The following BCLAF1 variants were observed in gnomAD, a reference collection of about 807,000 sequenced individuals.
BCLAF1 encodes bcl-2-associated transcription factor 1.
A neutral mutation model predicts 99.5 loss-of-function variants in BCLAF1; 10 were observed. The observed-to-expected ratio is 0.10, with a 90% CI of 0.06 to 0.17. The LOEUF is 0.17. Among genes scored for constraint, BCLAF1 ranks in the 10% least tolerant of loss-of-function variants. The pLI, the probability that BCLAF1 is intolerant of heterozygous loss-of-function variation, is 1.00. For missense variants in BCLAF1, 636 were observed against 1,105.8 expected, an observed-to-expected ratio of 0.58 and a Z score of 6.02; for synonymous variants, 255 against 370.9, an observed-to-expected ratio of 0.69 and a Z score of 3.59.
At position 136,258,647 on chromosome 6, in the gene BCLAF1, T is replaced by C. The variant is rs1469215943; in HGVS notation, c.*2463A>G. Reference sequence around the variant, plus strand: ...TACAAGGGTCCCTGTTGCATCATTATACATCACACTGAGTAAGAATCGTTT... The same window carrying C: ...TACAAGGGTCCCTGTTGCATCATTACACATCACACTGAGTAAGAATCGTTT... On this transcript the variant is annotated 3_prime_UTR_variant, in exon 13 of 13. Coordinates refer to ENST00000531224, the MANE Select transcript of BCLAF1 (RefSeq NM_014739.3). 2 of 152,536 alleles carry C rather than the reference T, an allele frequency of 1.3e-5. No homozygotes were observed. The highest frequency in any genetic ancestry group is 2.4e-5 in the African/African-American group (1 of 41,464). The allele number at this position is 152,536 out of a possible 1,614,324, so 9.4% of individuals were successfully genotyped here.
intron 10 of BCLAF1, 133 bp downstream of exon 10, chr6:136,268,029 G>A (rs1781962029): frequency 1.1e-6 from 1 of 900,298 alleles, no homozygotes; most frequent in Non-Finnish European, 1.6e-6. Context: ...ACCACTTCAT[G>A]TTTCAATACT....
chr6:136,289,038 GC>G (rs1785560425), intron 1 of BCLAF1, among the ~76,000 whole-genome samples: 1 of 152,166 alleles, frequency 6.6e-6, no homozygotes, highest in African/African-American at 2.4e-5. Context: ...ACAGCAGGTT[GC>G]CGCGGGTACC....
chr6:136,271,043 T>C (rs763110088), intron 8 of BCLAF1, among the ~76,000 whole-genome samples: 1 of 151,784 alleles, frequency 6.6e-6, no homozygotes, highest in Non-Finnish European at 1.5e-5. Flanking sequence ...AGTAAGTTAA[T>C]AGCATGCCCT....
At chr6:136,264,178 ATGCT>A (rs1008870288) in intron 11 of BCLAF1, among the ~76,000 whole-genome samples, 4 of 152,034 alleles carry the variant, frequency 2.6e-5, no homozygotes, top group African/African-American at 9.7e-5. Flanking sequence ...ATAGTACATG[ATGCT>A]TAACAAATGT....
chr6:136,257,371 T>C lies in BCLAF1; in HGVS notation c.*3739A>G, dbSNP rs1186866714. 1 of 152,190 alleles carries C rather than the reference T, an allele frequency of 6.6e-6. No individual in the cohort carries two copies. Among genetic ancestry groups the C allele is most frequent in the Non-Finnish European group, 1.5e-5 (1 of 68,020 alleles). 9.4% of individuals were successfully genotyped at this position (152,190 alleles called of 1,614,324 possible). ...AGTCTAGTAACATAAAAAGAACTGG[T>C]ACCCTTAATTAAATGTACAAGTTTG... On this transcript the variant is annotated 3_prime_UTR_variant, in exon 13 of 13. Coordinates refer to ENST00000531224, the MANE Select transcript of BCLAF1 (RefSeq NM_014739.3).
chr6:136,281,929 C>G (rs1356775006), intron 2 of BCLAF1, among the ~76,000 whole-genome samples: 6 of 152,124 alleles, frequency 3.9e-5, no homozygotes, highest in Non-Finnish European at 8.8e-5. Flanking sequence ...TAAAGGTTTG[C>G]GTTTTGCTTT....
intron 2 of BCLAF1, among the ~76,000 whole-genome samples, chr6:136,281,268 G>A (rs1784352964): frequency 6.6e-6 from 1 of 152,088 alleles, no homozygotes; most frequent in South Asian, 2.1e-4. Flanking sequence ...GGTTCAAAAA[G>A]GCAAAGTAAG....
intron 1 of BCLAF1, among the ~76,000 whole-genome samples, chr6:136,283,692 T>C (rs1371416876): frequency 6.6e-6 from 1 of 152,088 alleles, no homozygotes; most frequent in African/African-American, 2.4e-5. Context: ...ATTTTAAAAA[T>C]AAAACGAGAC....
At chr6:136,268,626 G>A (rs1782077423) in intron 9 of BCLAF1, 1 of 276,206 alleles carries the variant, frequency 3.6e-6, no homozygotes, top group Non-Finnish European at 6.9e-6. Context: ...ATTAAGTTAT[G>A]TCTTTTATTA....
chr6:136,270,921 T>C (rs1179305254), intron 8 of BCLAF1, among the ~76,000 whole-genome samples: 2 of 151,756 alleles, frequency 1.3e-5, no homozygotes, highest in Admixed American at 6.6e-5. Flanking sequence ...AAAAAAAGTA[T>C]TCACTACTCA....
intron 6 of BCLAF1, 64 bp downstream of exon 6, chr6:136,275,468 T>C: frequency 5.0e-6 from 7 of 1,402,858 alleles, no homozygotes; most frequent in Non-Finnish European, 6.6e-6. Context: ...TAAGCATAAT[T>C]ACACATTTTT....
rs1043310605 is a variant in BCLAF1 at position 136,260,953 on chromosome 6, T to C, written c.*157A>G. 9.8e-6 allele frequency: 7 copies of C among 712,846 alleles called. No individual in the cohort carries two copies. Among genetic ancestry groups the C allele is most frequent in the African/African-American group, 5.6e-5 (3 of 53,784 alleles). 44.2% of individuals were successfully genotyped at this position (712,846 alleles called of 1,614,324 possible). Reference sequence around the variant, plus strand: ...AATTTTCAACATACAGTCTACTATTTCTCAAGATATTTGAAGACTTAAAAC... The same window carrying C: ...AATTTTCAACATACAGTCTACTATTCCTCAAGATATTTGAAGACTTAAAAC... On this transcript the variant is annotated 3_prime_UTR_variant, in exon 13 of 13. Coordinates refer to ENST00000531224, the MANE Select transcript of BCLAF1 (RefSeq NM_014739.3).
chr6:136,267,820 G>C (rs1781933502), intron 10 of BCLAF1, among the ~76,000 whole-genome samples: 1 of 151,890 alleles, frequency 6.6e-6, no homozygotes, highest in African/African-American at 2.4e-5. Flanking sequence ...ACATACAGGG[G>C]TTTTATTAAG....
chr6:136,274,836 A>G (rs1783032136), intron 6 of BCLAF1, among the ~76,000 whole-genome samples: 1 of 151,852 alleles, frequency 6.6e-6, no homozygotes, highest in Admixed American at 6.6e-5. Context: ...ATAATTACAT[A>G]CTGGTAAAAA....
Position 136,279,026 on chromosome 6 carries a change from C to CACACACACACGT in BCLAF1, c.105-251_105-250insACGTGTGTGTGT, listed in dbSNP as rs1554219522. ...ACACACACACACACACACACACACA[C>CACACACACACGT]GCATGTGTTATATATATCACATGCA... On this transcript the variant is annotated intron_variant, in intron 3 of 12. Coordinates refer to ENST00000531224, the MANE Select transcript of BCLAF1 (RefSeq NM_014739.3). Among the ~76,000 whole-genome samples the CACACACACACGT allele has an allele frequency of 6.5e-4, 99 of 151,192 alleles. 2 individuals carry two copies. In the East Asian group the frequency reaches 9.4e-3, roughly 14 times the overall value.
At chr6:136,263,641 C>T (rs185722989) in intron 11 of BCLAF1, among the ~76,000 whole-genome samples, 1 of 152,238 alleles carries the variant, frequency 6.6e-6, no homozygotes, top group Non-Finnish European at 1.5e-5. Flanking sequence ...GAATCATCTT[C>T]TCTTCTCCAT....
intron 9 of BCLAF1, chr6:136,269,144 A>G (rs1238735537): frequency 8.1e-7 from 1 of 1,228,704 alleles, no homozygotes; most frequent in South Asian, 1.8e-5. Context: ...TTCTTACACA[A>G]ACTGTTTCTA....
At chr6:136,272,712 C>A (rs1481311682) in intron 7 of BCLAF1, among the ~76,000 whole-genome samples, 1 of 151,952 alleles carries the variant, frequency 6.6e-6, no homozygotes, top group Non-Finnish European at 1.5e-5. Context: ...ACACAACTAT[C>A]TGACTTCAAT....
At position 136,261,496 on chromosome 6, in the gene BCLAF1, C is replaced by T. The variant is rs755245241; in HGVS notation, c.2545-19G>A. 1 of 1,600,564 alleles carries T rather than the reference C, an allele frequency of 6.2e-7. No homozygotes were observed. Among genetic ancestry groups the T allele is most frequent in the South Asian group, 1.1e-5 (1 of 89,892 alleles). On this transcript the variant is annotated intron_variant, in intron 11 of 12. Coordinates refer to ENST00000531224, the MANE Select transcript of BCLAF1 (RefSeq NM_014739.3). ...CGTCATGCTACAGAAAGGTTAAAAA[C>T]AATTGTCAATGAAATGTTTCTTGTA...
Sources: gnomAD v4.1 joint callset for allele counts (sites outside exome capture counted in the v4.1 genomes callset) on GRCh38, gnomAD v4.1.1 for gene constraint, MANE v1.5 for transcripts, NCBI Gene and HGNC (gene_info 2026-07-23, HGNC 2026-07-21) for gene names.